The following AGAP9 variants were observed in gnomAD, a reference collection of about 807,000 sequenced individuals.
AGAP9 encodes ArfGAP with GTPase domain, ankyrin repeat and PH domain 9, also known as arf-GAP with GTPase, ANK repeat and PH domain-containing protein 9.
Under a neutral mutation model 55.6 loss-of-function variants are expected in AGAP9, and 23 were observed. The observed-to-expected ratio is 0.41, with a 90% confidence interval of 0.30 to 0.59. The LOEUF is 0.59. AGAP9 is among the 20% of genes least tolerant of loss of function. The pLI is 0.25. For missense variants in AGAP9, 309 were observed against 808.1 expected, an observed-to-expected ratio of 0.38 and a Z score of 7.49; for synonymous variants, 120 against 305.0, an observed-to-expected ratio of 0.39 and a Z score of 6.32.
chr10:47,502,245 G>A lies in AGAP9; in HGVS notation c.1884C>T (p.Leu628=). 6.3e-7 allele frequency: 1 copy of A among 1,592,380 alleles called. No homozygotes were observed. The highest frequency in any genetic ancestry group is 2.5e-5 in the East Asian group (1 of 40,768). The change falls in exon 8 of 8, where the codon CTC becomes CTT. Residue 628 remains leucine, a synonymous_variant. Transcript: ENST00000452145. ...TCGEGDGCTA[L]HLACRKGNVV... is the part of the protein sequence containing the mutation. ...CATTCCCCTTGCGGCAGGCCAGATG[G>A]AGTGCCGTGCAGCCGTCTCCCTCCC... is the stretch of plus-strand genomic sequence containing the variant.
intron 4 of AGAP9, among the ~76,000 whole-genome samples, chr10:47,513,276 G>A (rs1362213486): frequency 2.3e-4 from 33 of 143,544 alleles, no homozygotes; most frequent in South Asian, 6.7e-4. Flanking sequence ...CTCATGATCC[G>A]TCCGCCTCAG....
intron 6 of AGAP9, among the ~76,000 whole-genome samples, chr10:47,504,848 T>TC (rs1840444037): frequency 1.1e-5 from 1 of 94,916 alleles, no homozygotes; most frequent in Non-Finnish European, 2.3e-5. Flanking sequence ...TAACTGTTCT[T>TC]TTTTTTTTTT....
chr10:47,514,389 C>T (rs1245916435), intron 4 of AGAP9, among the ~76,000 whole-genome samples: 2 of 145,782 alleles, frequency 1.4e-5, no homozygotes, highest in South Asian at 2.2e-4. Flanking sequence ...ATCATGTTCT[C>T]TTTCCTACGT....
At chr10:47,515,749 G>A (rs1241042085) in intron 4 of AGAP9, among the ~76,000 whole-genome samples, 1 of 139,562 alleles carries the variant, frequency 7.2e-6, no homozygotes, top group Non-Finnish European at 1.5e-5. Context: ...CAGAAAATTG[G>A]GAGATCCTTC....
Position 47,510,041 on chromosome 10 carries a change from T to C in AGAP9, c.497+130A>G, listed in dbSNP as rs1391439339. The stretch of plus-strand genomic sequence containing the variant: ...GATTAAAAGAGAAACTGATACTTAA[T>C]ATTCAGAATCTGAATATCAATATAT... On this transcript the variant is annotated intron_variant, in intron 5 of 7. Coordinates refer to ENST00000452145, the MANE Select transcript of AGAP9 (RefSeq NM_001190810.1). The C allele has an allele frequency of 3.5e-3, 5,247 of 1,486,158 alleles. 552 individuals are homozygous for C. The highest frequency in any genetic ancestry group is 5.8e-3 in the Middle Eastern group (23 of 3,938). The allele number at this position is 1,486,158 out of a possible 1,614,324, so 92.1% of individuals were successfully genotyped here.
At position 47,502,825 on chromosome 10, in the gene AGAP9, A is replaced by T; in HGVS notation, c.1304T>A (p.Val435Asp). The T allele has an allele frequency of 6.3e-7, 1 of 1,599,206 alleles. No homozygotes were observed. Among genetic ancestry groups the T allele is most frequent in the East Asian group, 2.3e-5 (1 of 42,888 alleles). The change falls in exon 8 of 8, where the codon GTC becomes GAC. Residue 435 changes from valine to aspartate, a missense_variant. Physicochemically the swap from Val to Asp is radical, Grantham distance 152. Transcript: ENST00000452145. ...ATTYEERDAW[V>D]QAIQSQILAS... Reference sequence around the variant, plus strand: ...CAGGATCTGGCTCTGGATGGCTTGGACCCAGGCATCCCGCTCCTCATACGT... The same window carrying T: ...CAGGATCTGGCTCTGGATGGCTTGGTCCCAGGCATCCCGCTCCTCATACGT...
Position 47,502,436 on chromosome 10 carries a change from A to T in AGAP9, c.1693T>A (p.Trp565Arg). ...TCCTCATATTTGGAACGGATCCACC[A>T]TTCCTTCTCTTCCCTCGTGGACTTT... is the stretch of plus-strand genomic sequence containing the variant. ...SIKSTREEKEWWIRSKYEEKL... is the reference protein window; with the variant it reads ...SIKSTREEKERWIRSKYEEKL... Residue 565 changes from tryptophan to arginine, a missense_variant, in exon 8 of 8, where the codon TGG becomes AGG. Coordinates refer to ENST00000452145, the MANE Select transcript of AGAP9 (RefSeq NM_001190810.1). 5.7e-6 allele frequency: 9 copies of T among 1,571,344 alleles called. 1 individual carries two copies. The South Asian group carries it at 1.0e-4, about 18-fold the overall frequency.
At chr10:47,511,602 C>G (rs1179364096) in intron 4 of AGAP9, among the ~76,000 whole-genome samples, 1 of 109,180 alleles carries the variant, frequency 9.2e-6, no homozygotes, top group Non-Finnish European at 1.9e-5. Flanking sequence ...TCAAATGAGA[C>G]TCTTGGAGAA....
At chr10:47,519,296 T>A (rs1301290508) in intron 3 of AGAP9, among the ~76,000 whole-genome samples, 1 of 117,824 alleles carries the variant, frequency 8.5e-6, no homozygotes, top group Non-Finnish European at 1.7e-5. Flanking sequence ...GGTGAAACCC[T>A]GTCTCTACCA....
chr10:47,511,093 A>G (rs2489764), intron 4 of AGAP9, among the ~76,000 whole-genome samples: 69,532 of 117,790 alleles, frequency 0.59, 24,652 homozygotes, highest in East Asian at 0.82. Flanking sequence ...ACAGGCGCCC[A>G]CCACCATGCC....
intron 4 of AGAP9, among the ~76,000 whole-genome samples, chr10:47,514,595 TC>T (rs1342139917): frequency 1.3e-5 from 1 of 77,840 alleles, no homozygotes; most frequent in Non-Finnish European, 2.4e-5. Context: ...TGCCACCTGT[TC>T]CCCCAGAAAC....
intron 4 of AGAP9, among the ~76,000 whole-genome samples, chr10:47,513,121 G>A (rs2132487834): frequency 6.8e-6 from 1 of 147,936 alleles, no homozygotes. Flanking sequence ...TGCAACCTCT[G>A]CCTCCGAGGT....
intron 6 of AGAP9, among the ~76,000 whole-genome samples, chr10:47,506,501 T>C (rs1303613865): frequency 7.1e-6 from 1 of 139,958 alleles, no homozygotes; most frequent in Non-Finnish European, 1.5e-5. Flanking sequence ...CAGCCATTTT[T>C]TGTACTTTCA....
rs1349794612 is a variant in AGAP9 at position 47,502,299 on chromosome 10, G to A, written c.1830C>T (p.Gly610=). 1.2e-6 allele frequency: 2 copies of A among 1,602,116 alleles called. No individual in the cohort carries two copies. The highest frequency in any genetic ancestry group is 1.1e-5 in the South Asian group (1 of 90,730). ...AGGTCTCGTTCACCTCCTCACGGGAGCCATGTGCCAGCAGCAGGATGGCTG... is the reference window on the plus strand; with the variant it reads ...AGGTCTCGTTCACCTCCTCACGGGAACCATGTGCCAGCAGCAGGATGGCTG... The part of the protein sequence containing the change: ...LQTAILLLAH[G]SREEVNETCG... Residue 610 remains glycine (G), a synonymous_variant, in exon 8 of 8, where the codon GGC becomes GGT. Coordinates refer to ENST00000452145, the MANE Select transcript of AGAP9 (RefSeq NM_001190810.1).
Position 47,502,474 on chromosome 10 carries a change from G to T in AGAP9, c.1655C>A (p.Thr552Lys). The T allele has an allele frequency of 2.5e-6, 4 of 1,612,960 alleles. No homozygotes were observed. Among genetic ancestry groups the T allele is most frequent in the Non-Finnish European group, 3.4e-6 (4 of 1,179,952 alleles). Residue 552 changes from threonine (T) to lysine (K), a missense_variant, in exon 8 of 8, where the codon ACA (threonine) becomes AAA (lysine). Thr to Lys is a moderately conservative substitution (Grantham distance 78). Coordinates refer to ENST00000452145, the MANE Select transcript of AGAP9 (RefSeq NM_001190810.1). ...SIWEGSSQGQ[T>K]KPSIKSTREE... ...CCTCGTGGACTTTATTGAGGGTTTT[G>T]TCTGCCCCTGGCTGCTCCCTTCCCA...
Position 47,502,812 on chromosome 10 carries a change from C to G in AGAP9, c.1317G>C (p.Gln439His). 6.3e-7 allele frequency: 1 copy of G among 1,595,222 alleles called. No individual in the cohort carries two copies. Among genetic ancestry groups the G allele is most frequent in the Non-Finnish European group, 8.5e-7 (1 of 1,170,638 alleles). Residue 439 changes from glutamine (Q) to histidine (H), a missense_variant, in exon 8 of 8, where the codon CAG (glutamine) becomes CAC (histidine). Physicochemically the swap from Gln to His is conservative, Grantham distance 24. Coordinates refer to ENST00000452145, the MANE Select transcript of AGAP9 (RefSeq NM_001190810.1). ...ACTGCAGGCTGGCCAGGATCTGGCT[C>G]TGGATGGCTTGGACCCAGGCATCCC... is the stretch of plus-strand genomic sequence containing the variant. The part of the protein sequence containing the change: ...EERDAWVQAI[Q>H]SQILASLQSC...
chr10:47,503,937 C>CAAAAAA (rs1186798630), intron 7 of AGAP9, among the ~76,000 whole-genome samples: 5 of 23,438 alleles, frequency 2.1e-4, no homozygotes, highest in East Asian at 4.1e-3. Context: ...GAGAGTCCAT[C>CAAAAAA]AAAAAAAAAA....
In AGAP9 at chr10:47,502,025, T is replaced by C; in HGVS notation, c.*127A>G. The C allele has an allele frequency of 6.9e-7, 1 of 1,444,398 alleles. No individual in the cohort carries two copies. Among genetic ancestry groups the C allele is most frequent in the South Asian group, 1.2e-5 (1 of 82,230 alleles). The allele number at this position is 1,444,398 out of a possible 1,614,324, so 89.5% of individuals were successfully genotyped here. Reference sequence around the variant, plus strand: ...TTGAAATTCTGAGTTATCCTTATTTTTCCCATTTTGTTTTTGCACCAAGGA... The same window carrying C: ...TTGAAATTCTGAGTTATCCTTATTTCTCCCATTTTGTTTTTGCACCAAGGA... On this transcript the variant is annotated 3_prime_UTR_variant, in exon 8 of 8. Coordinates refer to ENST00000452145, the MANE Select transcript of AGAP9 (RefSeq NM_001190810.1).
chr10:47,505,432 G>A (rs1840457102), intron 6 of AGAP9, among the ~76,000 whole-genome samples: 1 of 129,970 alleles, frequency 7.7e-6, no homozygotes. Context: ...AAAAATTAAT[G>A]TTGTTAAATC....
Sources: allele counts gnomAD v4.1 joint callset (sites outside exome capture counted in the v4.1 genomes callset), GRCh38; gene constraint gnomAD v4.1.1; transcripts MANE v1.5; gene names NCBI Gene and HGNC (gene_info 2026-07-23, HGNC 2026-07-21).